LPGAT1: variants seen among roughly 807,000 people sequenced by gnomAD.
LPGAT1 encodes lysophosphatidylglycerol acyltransferase 1, also known as acyl-CoA:lysophosphatidylglycerol acyltransferase 1.
In LPGAT1, 11 loss-of-function variants were observed where a neutral mutation model predicts 47.5. That is an observed-to-expected ratio of 0.23 (90% CI 0.15 to 0.38). The LOEUF (loss-of-function observed/expected upper bound fraction) is 0.38. LPGAT1 is among the 10% of genes least tolerant of loss of function. LPGAT1 has a pLI of 1.00. For missense variants in LPGAT1, 293 were observed against 439.0 expected (o/e 0.67, Z 2.97); for synonymous variants, 138 against 144.2 (o/e 0.96, Z 0.31).
At chr1:211,802,087 CAAA>C (rs758493700) in intron 2 of LPGAT1, among the ~76,000 whole-genome samples, 9 of 108,530 alleles carry the variant, frequency 8.3e-5, no homozygotes, top group Non-Finnish European at 1.3e-4. Flanking sequence ...GACTCTGTCT[CAAA>C]AAAAAAAAAA....
rs1037270200 is a variant in LPGAT1, at chr1:211,830,276, G to A, written c.-28+297C>T. 9.8e-7 allele frequency: 1 copy of A among 1,019,628 alleles called. No homozygotes were observed. The highest frequency in any genetic ancestry group is 1.7e-5 in the African/African-American group (1 of 58,052). 63.2% of individuals were successfully genotyped at this position (1,019,628 alleles called of 1,614,324 possible). ...TCATGGACGCGGTGGCGGCCCAAGC[G>A]GCCCGAGGCGCTGCGCGAGCGGGCG... On this transcript the variant is annotated intron_variant, in intron 1 of 7. Coordinates refer to ENST00000366997, the MANE Select transcript of LPGAT1 (RefSeq NM_014873.3). The surrounding 1 kb of genome is among the most constrained non-coding windows in gnomAD (Gnocchi z 5.9).
rs1660378553 is a variant in LPGAT1 at position 211,821,890 on chromosome 1, T to C, written c.238+7169A>G. 2.0e-5 allele frequency among the ~76,000 whole-genome samples: 3 copies of C among 152,262 alleles called. No homozygotes were observed. The South Asian group carries it at 6.2e-4, about 32-fold the overall frequency. On this transcript the variant is annotated intron_variant, in intron 2 of 7. Coordinates refer to ENST00000366997, the MANE Select transcript of LPGAT1 (RefSeq NM_014873.3). ...GAAAGACTTAACATTCATATGTATA[T>C]ATAAATAGAAAACATAAAATACAAT...
intron 5 of LPGAT1, among the ~76,000 whole-genome samples, chr1:211,781,191 G>A (rs1016021271): frequency 6.6e-6 from 1 of 152,048 alleles, no homozygotes; most frequent in East Asian, 1.9e-4. Context: ...TAAACAGGTA[G>A]AATGAAAAGC....
At chr1:211,802,612 A>G (rs1178601761) in intron 2 of LPGAT1, among the ~76,000 whole-genome samples, 1 of 152,188 alleles carries the variant, frequency 6.6e-6, no homozygotes, top group Non-Finnish European at 1.5e-5. Flanking sequence ...TCTTCCAAAC[A>G]CGAGATTTAA....
intron 2 of LPGAT1, among the ~76,000 whole-genome samples, chr1:211,808,489 T>C (rs923637643): frequency 1.3e-5 from 2 of 152,254 alleles, no homozygotes; most frequent in East Asian, 1.9e-4. Flanking sequence ...TTCAACATCA[T>C]TAGCCACTAG....
intron 2 of LPGAT1, among the ~76,000 whole-genome samples, chr1:211,825,685 G>A (rs928562248): frequency 1.3e-5 from 2 of 152,194 alleles, no homozygotes; most frequent in Non-Finnish European, 2.9e-5. Context: ...AACAGGCCAG[G>A]GGCGATGGCT....
chr1:211,757,713 A>G (rs1203295534), intron 6 of LPGAT1, among the ~76,000 whole-genome samples: 1 of 152,242 alleles, frequency 6.6e-6, no homozygotes, highest in Non-Finnish European at 1.5e-5. Context: ...TGATGTAATC[A>G]GAGGAACAGA....
At chr1:211,779,925 C>T (rs1040488180) in intron 5 of LPGAT1, among the ~76,000 whole-genome samples, 1 of 151,556 alleles carries the variant, frequency 6.6e-6, no homozygotes, top group African/African-American at 2.4e-5. Context: ...CGCCTGTAAT[C>T]CCAGCACTTT....
intron 6 of LPGAT1, among the ~76,000 whole-genome samples, chr1:211,759,951 T>C (rs935897301): frequency 6.6e-6 from 1 of 152,222 alleles, no homozygotes; most frequent in African/African-American, 2.4e-5. Context: ...TTGAAAGATA[T>C]TGCTATATTA....
At position 211,829,138 on chromosome 1, in the gene LPGAT1, C is replaced by T; in HGVS notation, c.159G>A (p.Arg53=). Residue 53 remains arginine (R), a synonymous_variant, in exon 2 of 8, where the codon CGG becomes CGA. Coordinates refer to ENST00000366997, the MANE Select transcript of LPGAT1 (RefSeq NM_014873.3). ...LQPLRVLDSK[R]FWYIEGIMYK... ...ACATGATTCCTTCGATATACCAGAA[C>T]CGCTTACTGTCCAGCACTCGAAGGG... 1 of 1,614,128 alleles carries T rather than the reference C, an allele frequency of 6.2e-7. No individual in the cohort carries two copies. Among genetic ancestry groups the T allele is most frequent in the Non-Finnish European group, 8.5e-7 (1 of 1,180,030 alleles).
rs1019668485 is a variant in LPGAT1, at chr1:211,747,477, A to T, written c.*2422T>A. On this transcript the variant is annotated 3_prime_UTR_variant, in exon 8 of 8. Transcript: ENST00000366997. ...ATAGTTTAATGTGTACAGTATATTTAACAATATCATGTTCCTTTGGAGCAC... is the reference window on the plus strand; with the variant it reads ...ATAGTTTAATGTGTACAGTATATTTTACAATATCATGTTCCTTTGGAGCAC... 2.6e-5 allele frequency: 4 copies of T among 152,234 alleles called. No individual in the cohort carries two copies. Among genetic ancestry groups the T allele is most frequent in the African/African-American group, 9.6e-5 (4 of 41,460 alleles). The allele number at this position is 152,234 out of a possible 1,614,324, so 9.4% of individuals were successfully genotyped here.
chr1:211,796,327 CCA>C (rs1659349406), intron 2 of LPGAT1, among the ~76,000 whole-genome samples: 1 of 152,030 alleles, frequency 6.6e-6, no homozygotes, highest in African/African-American at 2.4e-5. Flanking sequence ...AAACCTAAAT[CCA>C]ATAAGACTGG....
intron 1 of LPGAT1, 119 bp from the exon 2 acceptor site, chr1:211,829,442 T>G: frequency 1.4e-6 from 2 of 1,470,694 alleles, no homozygotes; most frequent in Admixed American, 5.1e-5. Flanking sequence ...GCTTTCCGGG[T>G]GTAGTACCTC....
At chr1:211,807,405 G>T (rs1183759016) in intron 2 of LPGAT1, among the ~76,000 whole-genome samples, 1 of 151,868 alleles carries the variant, frequency 6.6e-6, no homozygotes, top group Non-Finnish European at 1.5e-5. Context: ...GCACATAAGT[G>T]AATTTTAAAA....
chr1:211,798,615 C>T lies in LPGAT1; in HGVS notation c.239-5425G>A, dbSNP rs79252044. On this transcript the variant is annotated intron_variant, in intron 2 of 7. Coordinates refer to ENST00000366997, the MANE Select transcript of LPGAT1 (RefSeq NM_014873.3). ...AGAGGATCTCTTGGGCTCAGAAGCTCAAGGCTGTAGTGAGCTGTGATCATG... is the reference window on the plus strand; with the variant it reads ...AGAGGATCTCTTGGGCTCAGAAGCTTAAGGCTGTAGTGAGCTGTGATCATG... Among the ~76,000 whole-genome samples, 472 of 152,196 alleles carry T rather than the reference C, an allele frequency of 3.1e-3. 1 individual carries two copies. The highest frequency in any genetic ancestry group is 0.011 in the African/African-American group (450 of 41,526).
chr1:211,780,443 A>G (rs1453923276), intron 5 of LPGAT1, among the ~76,000 whole-genome samples: 1 of 152,238 alleles, frequency 6.6e-6, no homozygotes, highest in African/African-American at 2.4e-5. Flanking sequence ...CAGACTTTAG[A>G]GTATAATGGT....
chr1:211,801,153 T>C (rs534019570), intron 2 of LPGAT1, among the ~76,000 whole-genome samples: 62 of 152,252 alleles, frequency 4.1e-4, no homozygotes, highest in African/African-American at 1.5e-3. Flanking sequence ...CTCTATGTTA[T>C]CCCCACTTCC....
rs1660705252 is a variant in LPGAT1, at chr1:211,830,631, TGGCCGGCGGCGGGGCCGGCGGAAGA to T, written c.-111_-87del. 1 of 1,197,536 alleles carries T rather than the reference TGGCCGGCGGCGGGGCCGGCGGAAGA, an allele frequency of 8.4e-7. No homozygotes were observed. The highest frequency in any genetic ancestry group is 4.5e-5 in the Admixed American group (1 of 22,418). 74.2% of individuals were successfully genotyped at this position (1,197,536 alleles called of 1,614,324 possible). A position where few individuals can be genotyped will look rare whatever the true frequency, so the allele number is the denominator to read the frequency against. Reference sequence around the variant, plus strand: ...GAGTCAGAGGAGCCGGAAGAATGCATGGCCGGCGGCGGGGCCGGCGGAAGAAGGCGGTGGCGGGGCCCTGCCCCGC... The same window carrying T: ...GAGTCAGAGGAGCCGGAAGAATGCATAGGCGGTGGCGGGGCCCTGCCCCGC... On this transcript the variant is annotated 5_prime_UTR_variant, in exon 1 of 8. Coordinates refer to ENST00000366997, the MANE Select transcript of LPGAT1 (RefSeq NM_014873.3). This position sits in a 1 kb window ranked among gnomAD's most constrained non-coding sequence, Gnocchi z 5.9.
Position 211,778,069 on chromosome 1 carries a change from G to A in LPGAT1, c.854+849C>T, listed in dbSNP as rs147094570. Among the ~76,000 whole-genome samples the A allele has an allele frequency of 6.2e-3, 945 of 152,264 alleles. 5 individuals are homozygous for A. The highest frequency in any genetic ancestry group is 0.011 in the Non-Finnish European group (716 of 68,002). ...AAAAAGGAAAGGCACGAGGCTGGGC[G>A]CGGTGGCTCACGCCTGTAATCCCAG... On this transcript the variant is annotated intron_variant, in intron 6 of 7. Transcript: ENST00000366997.
Sources: allele counts gnomAD v4.1 joint callset (sites outside exome capture counted in the v4.1 genomes callset), GRCh38; gene constraint gnomAD v4.1.1; non-coding constraint Gnocchi (gnomAD v3.1); transcripts MANE v1.5; gene names NCBI Gene and HGNC (gene_info 2026-07-23, HGNC 2026-07-21).